Variants in ARHGAP6 observed in about 807,000 individuals in gnomAD.
The protein encoded by ARHGAP6 is rho GTPase-activating protein 6.
Under a neutral mutation model 55.7 loss-of-function variants are expected in ARHGAP6, and 16 were observed. That is an observed-to-expected ratio of 0.29 (90% CI 0.19 to 0.44). The LOEUF (loss-of-function observed/expected upper bound fraction) is 0.44, where lower values mean the gene tolerates loss of function less well. Ranked by LOEUF, ARHGAP6 falls within the 20% of genes least tolerant of loss-of-function variation. The pLI, the probability that ARHGAP6 is intolerant of heterozygous loss-of-function variation, is 1.00. For missense variants in ARHGAP6, 698 were observed against 808.9 expected (o/e 0.86, Z 1.66); for synonymous variants, 382 against 360.9 (o/e 1.06, Z -0.66).
At chrX:11,338,288 T>G (rs2048664847) in intron 1 of ARHGAP6, among the ~76,000 whole-genome samples, 1 of 112,044 alleles carries the variant, frequency 8.9e-6, no homozygotes, top group African/African-American at 3.2e-5. Context: ...TAACTTACCC[T>G]ATTTCCTCCC....
intron 1 of ARHGAP6, among the ~76,000 whole-genome samples, chrX:11,392,248 C>T (rs749527544): frequency 1.1e-3 from 118 of 111,868 alleles, no homozygotes; most frequent in Non-Finnish European, 1.9e-3. Context: ...TTAGCTTTTG[C>T]GTTTCCTTTT....
At chrX:11,174,615 TC>T (rs1430009466) in intron 8 of ARHGAP6, among the ~76,000 whole-genome samples, 4 of 85,087 alleles carry the variant, frequency 4.7e-5, no homozygotes, top group Admixed American at 2.8e-4. Context: ...TTTCTTTCTT[TC>T]TCTTTCTTTT....
intron 1 of ARHGAP6, among the ~76,000 whole-genome samples, chrX:11,561,443 G>A (rs180946977): frequency 3.6e-5 from 4 of 111,611 alleles, no homozygotes; most frequent in African/African-American, 9.8e-5. Flanking sequence ...ATACAATAAC[G>A]CAGGAAGAAT....
At chrX:11,323,884 A>G (rs928333934) in intron 1 of ARHGAP6, among the ~76,000 whole-genome samples, 165 of 108,471 alleles carry the variant, frequency 1.5e-3, no homozygotes, top group African/African-American at 4.9e-3. Context: ...AAAAAAAAAA[A>G]AAAGAAAAAA....
chrX:11,309,697 G>A (rs1263658868), intron 1 of ARHGAP6, among the ~76,000 whole-genome samples: 2 of 111,758 alleles, frequency 1.8e-5, no homozygotes, highest in East Asian at 5.6e-4. Flanking sequence ...TATCTGATGA[G>A]AGATTTGTAT....
chrX:11,403,341 C>T (rs1397307587), intron 1 of ARHGAP6, among the ~76,000 whole-genome samples: 1 of 111,640 alleles, frequency 9.0e-6, no homozygotes, highest in Non-Finnish European at 1.9e-5. Context: ...TCAAATACGA[C>T]AGCCACTAGC....
chrX:11,144,926 C>T (rs1462055935), intron 10 of ARHGAP6: 1 of 112,959 alleles, frequency 8.9e-6, no homozygotes, highest in Admixed American at 9.3e-5. Flanking sequence ...AGTGCTTTTA[C>T]AAACTGATAT....
intron 1 of ARHGAP6, among the ~76,000 whole-genome samples, chrX:11,393,292 A>T (rs2049433147): frequency 9.0e-6 from 1 of 110,876 alleles, no homozygotes; most frequent in Non-Finnish European, 1.9e-5. Flanking sequence ...AAACAGCAGA[A>T]ATATACTGTG....
intron 1 of ARHGAP6, among the ~76,000 whole-genome samples, chrX:11,315,329 AC>A (rs1387634185): frequency 8.9e-6 from 1 of 111,855 alleles, no homozygotes; most frequent in Non-Finnish European, 1.9e-5. Flanking sequence ...GGAGCTTGCA[AC>A]CAAGATCCCT....
chrX:11,390,767 C>T (rs1161673351), intron 1 of ARHGAP6, among the ~76,000 whole-genome samples: 2 of 112,028 alleles, frequency 1.8e-5, no homozygotes, highest in South Asian at 3.8e-4. Context: ...CAGTGAGATA[C>T]CATCTCACAC....
chrX:11,342,116 T>C (rs968788605), intron 1 of ARHGAP6, among the ~76,000 whole-genome samples: 15 of 112,114 alleles, frequency 1.3e-4, no homozygotes, highest in African/African-American at 4.9e-4. Context: ...TCTGTTGCCA[T>C]GCACGCATAA....
At chrX:11,238,094 C>G (rs1479921595) in intron 2 of ARHGAP6, among the ~76,000 whole-genome samples, 2 of 112,289 alleles carry the variant, frequency 1.8e-5, no homozygotes, top group South Asian at 3.7e-4. Flanking sequence ...ACTTAGAGAG[C>G]AGCTATGAAC....
intron 1 of ARHGAP6, among the ~76,000 whole-genome samples, chrX:11,354,317 C>A (rs868320942): frequency 4.0e-3 from 273 of 67,934 alleles, no homozygotes; most frequent in African/African-American, 8.4e-3. Context: ...CTCTCTCTCT[C>A]TCTCTCTCTC....
At chrX:11,426,196 T>C (rs925466769) in intron 1 of ARHGAP6, among the ~76,000 whole-genome samples, 1 of 111,139 alleles carries the variant, frequency 9.0e-6, no homozygotes, top group African/African-American at 3.3e-5. Flanking sequence ...AGGTCTTCAT[T>C]TTTCCAGTGG....
chrX:11,365,075 G>A (rs967115589), intron 1 of ARHGAP6, among the ~76,000 whole-genome samples: 1 of 111,788 alleles, frequency 8.9e-6, no homozygotes, highest in Non-Finnish European at 1.9e-5. Flanking sequence ...TGAAGCTTCC[G>A]GGAAAGTCTC....
rs59668043 is a variant in ARHGAP6, at chrX:11,527,011, A to AGTGTGTGTGTGTGT, written c.588+137216_588+137229dup. Among the ~76,000 whole-genome samples the AGTGTGTGTGTGTGT allele has an allele frequency of 1.2e-3, 99 of 81,061 alleles. 1 individual carries two copies. Among genetic ancestry groups the AGTGTGTGTGTGTGT allele is most frequent in the Non-Finnish European group, 1.8e-3 (74 of 41,741 alleles). The allele number at this position is 81,061 out of a possible 115,157, so 70.4% of individuals were successfully genotyped here. A position where few individuals can be genotyped will look rare whatever the true frequency, so the allele number is the denominator to read the frequency against. ...CTAATGATGCTTTGCTAATATGAGGAGTGTGTGTGTGTGTGTGTGTGTGTG... is the reference window on the plus strand; with the variant it reads ...CTAATGATGCTTTGCTAATATGAGGAGTGTGTGTGTGTGTGTGTGTGTGTGTGTGTGTGTGTGTG... On this transcript the variant is annotated intron_variant, in intron 1 of 12. Coordinates refer to ENST00000337414, the MANE Select transcript of ARHGAP6 (RefSeq NM_013427.3).
chrX:11,380,693 T>G (rs2049252560), intron 1 of ARHGAP6, among the ~76,000 whole-genome samples: 2 of 111,774 alleles, frequency 1.8e-5, no homozygotes, highest in African/African-American at 3.3e-5. Context: ...GGAATACATT[T>G]TGAGTAGCAC....
chrX:11,194,775 T>TA (rs949938088), intron 3 of ARHGAP6, among the ~76,000 whole-genome samples: 2 of 112,096 alleles, frequency 1.8e-5, no homozygotes, highest in Non-Finnish European at 3.8e-5. Flanking sequence ...CACCTTTTTT[T>TA]AGTCTAAAGA....
chrX:11,560,504 A>C (rs1458373222), intron 1 of ARHGAP6, among the ~76,000 whole-genome samples: 2 of 112,458 alleles, frequency 1.8e-5, no homozygotes, highest in Non-Finnish European at 3.8e-5. Flanking sequence ...TAAGGTTGAC[A>C]CACATTTTCA....
Sources: allele counts gnomAD v4.1 joint callset (sites outside exome capture counted in the v4.1 genomes callset), GRCh38; gene constraint gnomAD v4.1.1; transcripts MANE v1.5; gene names NCBI Gene and HGNC (gene_info 2026-07-23, HGNC 2026-07-21).